The following PRR12 variants were observed in gnomAD, a reference collection of about 807,000 sequenced individuals.
PRR12 encodes proline-rich protein 12.
Under a neutral mutation model 138.0 loss-of-function variants are expected in PRR12, and 12 were observed. That is an observed-to-expected ratio of 0.09 (90% CI 0.06 to 0.14). The LOEUF is 0.14. Ranked by LOEUF, PRR12 falls within the 10% of genes least tolerant of loss-of-function variation. The pLI is 1.00. For synonymous variants in PRR12, 1,567 were observed against 1,291.7 expected, an observed-to-expected ratio of 1.21 and a Z score of -4.57; for missense variants, 2,692 against 2,861.3, an observed-to-expected ratio of 0.94 and a Z score of 1.35.
rs1230445385 is a variant in PRR12 at position 49,614,915 on chromosome 19, C to T, written c.4930C>T (p.Arg1644Cys). ...YFGDAKNRYQRLYVKFLENVN... is the reference protein window; with the variant it reads ...YFGDAKNRYQCLYVKFLENVN... ...TGGGGATGCAAAAAATCGGTACCAG[C>T]GCCTCTATGTAAAGTTCCTGGAAAA... The change falls in exon 8 of 14, where the codon CGC (arginine) becomes TGC (cysteine). Residue 1644 changes from arginine (R) to cysteine (C), a missense_variant. This residue lies in a region of PRR12 where 92 missense variants were observed against 174.1 expected (regional missense o/e 0.53). Transcript: ENST00000418929. The surrounding 1 kb of genome is among the most constrained non-coding windows in gnomAD (Gnocchi z 5.0). The T allele has an allele frequency of 1.2e-6, 2 of 1,613,916 alleles. No homozygotes were observed. The highest frequency in any genetic ancestry group is 1.7e-6 in the Non-Finnish European group (2 of 1,179,854).
intron 5 of PRR12, among the ~76,000 whole-genome samples, chr19:49,600,832 C>T (rs1179362668): frequency 6.6e-6 from 1 of 152,106 alleles, no homozygotes; most frequent in African/African-American, 2.4e-5. Context: ...TCAAGTGATT[C>T]TCCTGCCTCA....
chr19:49,605,879 C>G (rs1324798075), intron 6 of PRR12, among the ~76,000 whole-genome samples: 1 of 152,256 alleles, frequency 6.6e-6, no homozygotes, highest in Non-Finnish European at 1.5e-5. Flanking sequence ...ACGCCTTTGC[C>G]AAATGTACAG....
In PRR12 at chr19:49,616,454, C is replaced by T. The variant is rs1000756496; in HGVS notation, c.5497+235C>T. 1.3e-4 allele frequency among the ~76,000 whole-genome samples: 20 copies of T among 152,174 alleles called. No homozygotes were observed. Among genetic ancestry groups the T allele is most frequent in the African/African-American group, 4.8e-4 (20 of 41,440 alleles). On this transcript the variant is annotated intron_variant, in intron 9 of 13. Transcript: ENST00000418929. This position sits in a 1 kb window ranked among gnomAD's most constrained non-coding sequence, Gnocchi z 4.2. ...CATCCTAGTAGGTAGATACTGTTAT[C>T]CTCATCTACAGATGAGGAAGCTGAG... is the stretch of plus-strand genomic sequence containing the variant.
At chr19:49,623,032 G>A (rs920839072) in intron 11 of PRR12, among the ~76,000 whole-genome samples, 4 of 151,148 alleles carry the variant, frequency 2.6e-5, no homozygotes, top group Non-Finnish European at 5.9e-5. Context: ...ATGATGGGTG[G>A]GACGTTGGGA....
In PRR12 at chr19:49,597,934, CCCGGGGCCGGGG is replaced by C; in HGVS notation, c.3603_3614del (p.Gly1206_Arg1209del). 5.0e-6 allele frequency: 7 copies of C among 1,404,274 alleles called. No individual in the cohort carries two copies. The highest frequency in any genetic ancestry group is 1.7e-5 in the South Asian group (1 of 59,642). The allele number at this position is 1,404,274 out of a possible 1,614,324, so 87.0% of individuals were successfully genotyped here. On this transcript the variant is annotated inframe_deletion, in exon 4 of 14. Coordinates refer to ENST00000418929, the MANE Select transcript of PRR12 (RefSeq NM_020719.3). This position sits in a 1 kb window ranked among gnomAD's most constrained non-coding sequence, Gnocchi z 6.3. ...ACGCCCACCGATGGCGCCAAGAAAC[CCCGGGGCCGGGG>C]CCGAGGCCGGGGTCGAAAGGCTGAG...
At chr19:49,591,805 G>A in intron 1 of PRR12, 65 bp downstream of exon 1, 10 of 983,262 alleles carry the variant, frequency 1.0e-5, no homozygotes, top group Non-Finnish European at 1.4e-5. Context: ...GGCCGGGCCG[G>A]GCCGGGCCGG....
At chr19:49,610,156 G>A (rs1034210191) in intron 6 of PRR12, among the ~76,000 whole-genome samples, 2 of 151,954 alleles carry the variant, frequency 1.3e-5, no homozygotes, top group African/African-American at 4.8e-5. Flanking sequence ...TGTATTTTTA[G>A]TAGAGACAAG....
intron 11 of PRR12, among the ~76,000 whole-genome samples, chr19:49,624,028 A>G (rs1028047580): frequency 1.3e-5 from 2 of 148,516 alleles, no homozygotes; most frequent in East Asian, 2.0e-4. Context: ...ATTCTGGGGT[A>G]GGTGGTTAGG....
Position 49,595,349 on chromosome 19 carries a change from G to A in PRR12, c.1014G>A (p.Glu338=), listed in dbSNP as rs1230114114. 5 of 1,541,656 alleles carry A rather than the reference G, an allele frequency of 3.2e-6. No individual in the cohort carries two copies. Among genetic ancestry groups the A allele is most frequent in the East Asian group, 4.9e-5 (2 of 40,800 alleles). ...CCTGCAGCCCCCTGGGTGGTGGGGA[G>A]CCCTCCCCGGGTGCTGGGGAGCCTA... ...NLACSPLGGG[E]PSPGAGEPSK... is the part of the protein sequence containing the mutation. The change falls in exon 4 of 14, where the codon GAG becomes GAA. Residue 338 remains glutamate, a synonymous_variant. Transcript: ENST00000418929.
chr19:49,599,948 G>C lies in PRR12; in HGVS notation c.4345+10G>C, dbSNP rs769566503. 6.3e-7 allele frequency: 1 copy of C among 1,583,686 alleles called. No individual in the cohort carries two copies. The highest frequency in any genetic ancestry group is 2.2e-5 in the East Asian group (1 of 44,474). ...AGCAATGGCACTCCCGGTGAGCTCT[G>C]GGCAGGTGGTCTGGGAGTAGAGCTT... On this transcript the variant is annotated intron_variant, in intron 5 of 13. Coordinates refer to ENST00000418929, the MANE Select transcript of PRR12 (RefSeq NM_020719.3). This position sits in a 1 kb window ranked among gnomAD's most constrained non-coding sequence, Gnocchi z 5.0.
intron 9 of PRR12, among the ~76,000 whole-genome samples, chr19:49,618,246 T>G (rs1346587696): frequency 6.6e-6 from 1 of 152,046 alleles, no homozygotes; most frequent in Non-Finnish European, 1.5e-5. Flanking sequence ...TTTCTGCCCC[T>G]GGCCACCCCA....
chr19:49,602,633 C>G (rs971679066), intron 6 of PRR12, among the ~76,000 whole-genome samples: 3 of 152,188 alleles, frequency 2.0e-5, no homozygotes, highest in Non-Finnish European at 4.4e-5. Flanking sequence ...CTCACTGCAG[C>G]CTCTGCCTCC....
chr19:49,595,041 C>G lies in PRR12; in HGVS notation c.706C>G (p.Pro236Ala), dbSNP rs1227239233. The change falls in exon 4 of 14, where the codon CCA becomes GCA. Residue 236 changes from proline (P) to alanine (A), a missense_variant. Transcript: ENST00000418929. ...CCGCCCTGGCCCCCCAGACCCACCA[C>G]CACCTCCTCGCCACCTCCCAACTCA... is the stretch of plus-strand genomic sequence containing the variant. ...PYRPGPPDPP[P>A]PPRHLPTQFN... is the part of the protein sequence containing the mutation. 1.9e-6 allele frequency: 3 copies of G among 1,609,602 alleles called. No individual in the cohort carries two copies. In the Admixed American group the frequency reaches 5.0e-5, roughly 27 times the overall value.
At position 49,615,848 on chromosome 19, in the gene PRR12, C is replaced by A. The variant is rs1005415110; in HGVS notation, c.5126C>A (p.Thr1709Lys). 2 of 1,607,722 alleles carry A rather than the reference C, an allele frequency of 1.2e-6. No individual in the cohort carries two copies. The highest frequency in any genetic ancestry group is 1.7e-6 in the Non-Finnish European group (2 of 1,177,294). The change falls in exon 9 of 14, where the codon ACG becomes AAG. Residue 1709 changes from threonine (T) to lysine (K), a missense_variant. Thr to Lys is a moderately conservative substitution (Grantham distance 78). This residue lies in a region of PRR12 where 259 missense variants were observed against 265.1 expected (regional missense o/e 0.98). Transcript: ENST00000418929. ...CCCAAGCCTGAGACCCCTGAAAAGA[C>A]GACATCTGAGAAGCCCCCAGAGCAG... ...PPPKPETPEK[T>K]TSEKPPEQTP...
chr19:49,601,558 T>C lies in PRR12; in HGVS notation c.4413T>C (p.Pro1471=), dbSNP rs1412489213. 57 of 1,457,080 alleles carry C rather than the reference T, an allele frequency of 3.9e-5. No homozygotes were observed. Among genetic ancestry groups the C allele is most frequent in the Non-Finnish European group, 5.0e-5 (54 of 1,087,558 alleles). The allele number at this position is 1,457,080 out of a possible 1,614,324, so 90.3% of individuals were successfully genotyped here. A position where few individuals can be genotyped will look rare whatever the true frequency, so the allele number is the denominator to read the frequency against. ...PPPAPTPQPQ[P]PPPPPPPQPA... Reference sequence around the variant, plus strand: ...CTGCCCCGACTCCTCAGCCTCAGCCTCCGCCACCCCCTCCGCCGCCACAGC... The same window carrying C: ...CTGCCCCGACTCCTCAGCCTCAGCCCCCGCCACCCCCTCCGCCGCCACAGC... Residue 1471 remains proline, a synonymous_variant, in exon 6 of 14, where the codon CCT becomes CCC. Coordinates refer to ENST00000418929, the MANE Select transcript of PRR12 (RefSeq NM_020719.3).
Position 49,616,286 on chromosome 19 carries a change from A to G in PRR12, c.5497+67A>G, listed in dbSNP as rs941166342. On this transcript the variant is annotated intron_variant, in intron 9 of 13. Coordinates refer to ENST00000418929, the MANE Select transcript of PRR12 (RefSeq NM_020719.3). This position sits in a 1 kb window ranked among gnomAD's most constrained non-coding sequence, Gnocchi z 4.2. ...GAAGGGACACAGGTGAGGGCTGTCC[A>G]GAGGGCTCCAGGTAGCCTTGGCAGG... 1.5e-6 allele frequency: 2 copies of G among 1,361,598 alleles called. No homozygotes were observed. Among genetic ancestry groups the G allele is most frequent in the Non-Finnish European group, 2.0e-6 (2 of 1,020,494 alleles). 84.3% of individuals were successfully genotyped at this position (1,361,598 alleles called of 1,614,324 possible).
In PRR12 at chr19:49,596,624, C is replaced by T. The variant is rs750242118; in HGVS notation, c.2289C>T (p.Ser763=). ...AGCTGGGGGCCTTCTTGCAAAAGAGCCCTCCGCCCCCACCTCCCACGGCCC... is the reference window on the plus strand; with the variant it reads ...AGCTGGGGGCCTTCTTGCAAAAGAGTCCTCCGCCCCCACCTCCCACGGCCC... ...AKELGAFLQK[S]PPPPPPTAQS... is the part of the protein sequence containing the mutation. The change falls in exon 4 of 14, where the codon AGC becomes AGT. Residue 763 remains serine (S), a synonymous_variant. Transcript: ENST00000418929. The surrounding 1 kb of genome is among the most constrained non-coding windows in gnomAD (Gnocchi z 5.6). 48 of 1,591,932 alleles carry T rather than the reference C, an allele frequency of 3.0e-5. No homozygotes were observed. The highest frequency in any genetic ancestry group is 3.0e-5 in the Non-Finnish European group (35 of 1,170,232).
chr19:49,620,480 G>A lies in PRR12; in HGVS notation c.5623+3G>A, dbSNP rs1847908979. 6.4e-7 allele frequency: 1 copy of A among 1,556,726 alleles called. No homozygotes were observed. The highest frequency in any genetic ancestry group is 8.7e-7 in the Non-Finnish European group (1 of 1,149,904). On this transcript the variant is annotated splice_donor_region_variant and intron_variant, in intron 10 of 13. Coordinates refer to ENST00000418929, the MANE Select transcript of PRR12 (RefSeq NM_020719.3). ...CCAGGCCCTGGAGGACACGCATGGT[G>A]AGCTGAGGCCTGGGGAGGAGGGGGG... is the stretch of plus-strand genomic sequence containing the variant.
intron 11 of PRR12, among the ~76,000 whole-genome samples, chr19:49,623,832 C>G (rs199546962): frequency 1.1e-3 from 47 of 43,636 alleles, no homozygotes; most frequent in East Asian, 4.9e-3. Context: ...TCTGGGATAG[C>G]TGGTTAGGAT....
Sources: gnomAD v4.1 joint callset for allele counts (sites outside exome capture counted in the v4.1 genomes callset) on GRCh38, gnomAD v4.1.1 for gene constraint, gnomAD v4.1.1 regional missense constraint, Gnocchi (gnomAD v3.1) non-coding constraint, MANE v1.5 for transcripts, NCBI Gene and HGNC (gene_info 2026-07-23, HGNC 2026-07-21) for gene names.